FPR3: variants seen among roughly 807,000 people sequenced by gnomAD.
The protein encoded by FPR3 is N-formyl peptide receptor 3.
For missense variants in FPR3, 346 were observed against 443.2 expected, an observed-to-expected ratio of 0.78 and a Z score of 1.97; for synonymous variants, 135 against 163.6, an observed-to-expected ratio of 0.83 and a Z score of 1.34.
At chr19:51,796,488 G>A (rs2083999871) in intron 1 of FPR3, among the ~76,000 whole-genome samples, 1 of 152,198 alleles carries the variant, frequency 6.6e-6, no homozygotes, top group Non-Finnish European at 1.5e-5. Context: ...TTTCTGTCTG[G>A]AGAATGGATC....
At position 51,824,538 on chromosome 19, in the gene FPR3, A is replaced by G; in HGVS notation, c.790A>G (p.Met264Val). 1 of 1,614,092 alleles carries G rather than the reference A, an allele frequency of 6.2e-7. No homozygotes were observed. The highest frequency in any genetic ancestry group is 1.1e-5 in the South Asian group (1 of 91,080). Reference protein sequence around the residue: ...WFPYELIGILMAVWLKEMLLN... With the variant: ...WFPYELIGILVAVWLKEMLLN... ...CCCTTATGAACTAATTGGCATTCTA[A>G]TGGCAGTCTGGCTCAAAGAGATGTT... is the stretch of plus-strand genomic sequence containing the variant. Residue 264 changes from methionine to valine, a missense_variant, in exon 2 of 2, where the codon ATG becomes GTG. Met to Val is a conservative substitution (Grantham distance 21). Transcript: ENST00000339223. The surrounding 1 kb of genome is among the most constrained non-coding windows in gnomAD (Gnocchi z 4.7).
At chr19:51,808,903 G>C (rs1325761334) in intron 1 of FPR3, among the ~76,000 whole-genome samples, 1 of 152,192 alleles carries the variant, frequency 6.6e-6, no homozygotes, top group East Asian at 1.9e-4. Flanking sequence ...GTTCTCCTGA[G>C]ATAGGGGCCA....
At chr19:51,810,256 C>G (rs997002177) in intron 1 of FPR3, among the ~76,000 whole-genome samples, 2 of 152,162 alleles carry the variant, frequency 1.3e-5, no homozygotes, top group Non-Finnish European at 2.9e-5. Context: ...GAAAACTTCC[C>G]AAGTTTTTTA....
chr19:51,815,750 A>G (rs1223153320), intron 1 of FPR3, among the ~76,000 whole-genome samples: 1 of 151,840 alleles, frequency 6.6e-6, no homozygotes, highest in Admixed American at 6.6e-5. Context: ...AGTCCCCACT[A>G]CTTAGGAGGC....
intron 1 of FPR3, chr19:51,804,691 G>A (rs1237139423): frequency 6.6e-6 from 1 of 152,090 alleles, no homozygotes; most frequent in Non-Finnish European, 1.5e-5. Flanking sequence ...TTATATATGA[G>A]GATCTATCGA....
chr19:51,817,516 G>GTTTTTTTTTTTTTTTTTT (rs374226180), intron 1 of FPR3, among the ~76,000 whole-genome samples: 1 of 145,478 alleles, frequency 6.9e-6, no homozygotes, highest in Non-Finnish European at 1.5e-5. Context: ...AATCTGTTTT[G>GTTTTTTTTTTTTTTTTTT]TTTTTTTTTT....
chr19:51,818,870 A>T (rs191868005), intron 1 of FPR3, among the ~76,000 whole-genome samples: 1 of 152,294 alleles, frequency 6.6e-6, no homozygotes, highest in Admixed American at 6.5e-5. Flanking sequence ...GAAGAATAAC[A>T]TCATTGTCTT....
chr19:51,808,555 G>C (rs757505030), intron 1 of FPR3, among the ~76,000 whole-genome samples: 27 of 152,124 alleles, frequency 1.8e-4, no homozygotes, highest in Non-Finnish European at 3.2e-4. Context: ...AGCATGCCTT[G>C]GGGTAAAACT....
At chr19:51,796,423 G>A (rs1487163986) in intron 1 of FPR3, among the ~76,000 whole-genome samples, 6 of 152,240 alleles carry the variant, frequency 3.9e-5, no homozygotes, top group Non-Finnish European at 2.9e-5. Context: ...GAAGCCATCG[G>A]AAGGTATTGC....
chr19:51,801,673 C>A (rs529012807), intron 1 of FPR3, among the ~76,000 whole-genome samples: 79 of 152,252 alleles, frequency 5.2e-4, no homozygotes, highest in African/African-American at 1.9e-3. Context: ...CCCAGCTACT[C>A]AGGAGGCTGA....
chr19:51,812,612 C>G (rs1279751581), intron 1 of FPR3, among the ~76,000 whole-genome samples: 1 of 152,170 alleles, frequency 6.6e-6, no homozygotes, highest in East Asian at 1.9e-4. Flanking sequence ...TCCAGGCTAC[C>G]TAGGGGTACC....
intron 1 of FPR3, among the ~76,000 whole-genome samples, chr19:51,797,722 C>T (rs1173619115): frequency 3.3e-5 from 5 of 152,004 alleles, no homozygotes; most frequent in Non-Finnish European, 7.4e-5. Context: ...GTAGAAGCTA[C>T]TATTGCTATA....
chr19:51,824,642 C>T lies in FPR3; in HGVS notation c.894C>T (p.Asn298=). ...SSLAFFNSCL[N]PILYVFMGRN... is the part of the protein sequence containing the mutation. Reference sequence around the variant, plus strand: ...TGGCCTTTTTTAACAGCTGCCTCAACCCAATTCTCTACGTCTTTATGGGTC... The same window carrying T: ...TGGCCTTTTTTAACAGCTGCCTCAATCCAATTCTCTACGTCTTTATGGGTC... The change falls in exon 2 of 2, where the codon AAC becomes AAT. Residue 298 remains asparagine (N), a synonymous_variant. Coordinates refer to ENST00000339223, the MANE Select transcript of FPR3 (RefSeq NM_002030.5). The surrounding 1 kb of genome is among the most constrained non-coding windows in gnomAD (Gnocchi z 4.7). 6.2e-7 allele frequency: 1 copy of T among 1,614,170 alleles called. No homozygotes were observed.
At chr19:51,810,926 T>A (rs1449140181) in intron 1 of FPR3, among the ~76,000 whole-genome samples, 1 of 152,190 alleles carries the variant, frequency 6.6e-6, no homozygotes, top group East Asian at 1.9e-4. Context: ...CAGCAGAGCA[T>A]AAAATTCTTT....
chr19:51,810,269 C>T (rs2084087344), intron 1 of FPR3, among the ~76,000 whole-genome samples: 1 of 152,184 alleles, frequency 6.6e-6, no homozygotes, highest in African/African-American at 2.4e-5. Context: ...GTTTTTTATA[C>T]ACCTCACCAG....
At chr19:51,813,311 C>A (rs2084111191) in intron 1 of FPR3, among the ~76,000 whole-genome samples, 1 of 152,066 alleles carries the variant, frequency 6.6e-6, no homozygotes, top group Non-Finnish European at 1.5e-5. Context: ...GCCTATAGGA[C>A]TCTTATAAGG....
intron 1 of FPR3, among the ~76,000 whole-genome samples, chr19:51,822,087 C>A (rs2084194322): frequency 6.6e-6 from 1 of 152,126 alleles, no homozygotes; most frequent in Non-Finnish European, 1.5e-5. Flanking sequence ...GGTCAAGTGG[C>A]AAAGACACAA....
At chr19:51,815,977 G>C (rs4802870) in intron 1 of FPR3, among the ~76,000 whole-genome samples, 1 of 151,918 alleles carries the variant, frequency 6.6e-6, no homozygotes, top group South Asian at 2.1e-4. Flanking sequence ...TGAGGTGGGA[G>C]GATCACTTGA....
intron 1 of FPR3, among the ~76,000 whole-genome samples, chr19:51,812,809 G>A (rs1227530436): frequency 1.3e-5 from 2 of 152,150 alleles, no homozygotes; most frequent in African/African-American, 4.8e-5. Context: ...AATTTATTAT[G>A]CTGGATAATT....
Sources: allele counts gnomAD v4.1 joint callset (sites outside exome capture counted in the v4.1 genomes callset), GRCh38; gene constraint gnomAD v4.1.1; non-coding constraint Gnocchi (gnomAD v3.1); transcripts MANE v1.5; gene names NCBI Gene and HGNC (gene_info 2026-07-23, HGNC 2026-07-21).